The following KCTD1 variants were observed in gnomAD, a reference collection of about 807,000 sequenced individuals.
KCTD1 encodes BTB/POZ domain-containing protein KCTD1.
In KCTD1, 24 loss-of-function variants were observed where a neutral mutation model predicts 66.0. The ratio of observed to expected loss-of-function variants is 0.36; its 90% CI spans 0.26 to 0.51. The LOEUF is 0.51. Among genes scored for constraint, KCTD1 ranks in the 20% least tolerant of loss-of-function variants. The probability of loss-of-function intolerance (pLI) is 0.95; values close to 1 mark genes in which losing one functional copy is unlikely to be tolerated. For synonymous variants in KCTD1, 511 were observed against 517.2 expected (o/e 0.99, Z 0.16); for missense variants, 943 against 1,205.2 (o/e 0.78, Z 3.22).
chr18:26,478,459 G>A lies in KCTD1; in HGVS notation c.1989-1800C>T, dbSNP rs374085368. Among the ~76,000 whole-genome samples, 5 of 152,332 alleles carry A rather than the reference G, an allele frequency of 3.3e-5. No individual in the cohort carries two copies. In the South Asian group the frequency reaches 6.2e-4, roughly 19 times the overall value. ...TTTATTTCTGCCATATATTTGTGGA[G>A]TGAGAATTTTACAATGAAATCCAAG... On this transcript the variant is annotated intron_variant, in intron 2 of 4. Coordinates refer to ENST00000580059, the MANE Select transcript of KCTD1 (RefSeq NM_001142730.3).
In KCTD1 at chr18:26,467,361, G is replaced by A. The variant is rs562028752; in HGVS notation, c.2134-7436C>T. ...CAGTGAGACCGTCTCTACAAAAAATGAAAAACTAGCTGAGTGTGGTGGTGC... is the reference window on the plus strand; with the variant it reads ...CAGTGAGACCGTCTCTACAAAAAATAAAAAACTAGCTGAGTGTGGTGGTGC... On this transcript the variant is annotated intron_variant, in intron 3 of 4. Transcript: ENST00000580059. Among the ~76,000 whole-genome samples, 3 of 152,124 alleles carry A rather than the reference G, an allele frequency of 2.0e-5. No homozygotes were observed. The South Asian group carries it at 6.2e-4, about 32-fold the overall frequency.
chr18:26,459,402 T>G (rs963317786), intron 4 of KCTD1: 7 of 526,598 alleles, frequency 1.3e-5, no homozygotes, highest in African/African-American at 1.3e-4. Flanking sequence ...GTGTTCTATA[T>G]CTGTCTCTTC....
chr18:26,558,837 C>T (rs1018161759), intron 1 of KCTD1, among the ~76,000 whole-genome samples: 2 of 151,842 alleles, frequency 1.3e-5, no homozygotes, highest in Admixed American at 6.6e-5. Context: ...GCAGGAGGAT[C>T]GTTTGAATCT....
intron 1 of KCTD1, among the ~76,000 whole-genome samples, chr18:26,639,163 G>A (rs967973304): frequency 1.2e-4 from 19 of 152,220 alleles, no homozygotes; most frequent in Admixed American, 1.2e-3. Context: ...TTCCTAGTGT[G>A]AACAGGGGTC....
At chr18:26,539,993 A>G (rs978674928) in intron 1 of KCTD1, among the ~76,000 whole-genome samples, 2 of 152,148 alleles carry the variant, frequency 1.3e-5, no homozygotes, top group African/African-American at 4.8e-5. Context: ...AAAAATATAG[A>G]TAGTGTACTT....
rs1212047598 is a variant in KCTD1 at position 26,546,912 on chromosome 18, C to G, written c.1625G>C (p.Gly542Ala). 1 of 1,482,250 alleles carries G rather than the reference C, an allele frequency of 6.7e-7. No homozygotes were observed. Among genetic ancestry groups the G allele is most frequent in the African/African-American group, 1.4e-5 (1 of 70,780 alleles). 91.8% of individuals were successfully genotyped at this position (1,482,250 alleles called of 1,614,324 possible). A position where few individuals can be genotyped will look rare whatever the true frequency, so the allele number is the denominator to read the frequency against. Residue 542 changes from glycine (G) to alanine (A), a missense_variant, in exon 1 of 5, where the codon GGG becomes GCG. By Grantham distance (60) the Gly-to-Ala change is moderately conservative (BLOSUM62 0). Coordinates refer to ENST00000580059, the MANE Select transcript of KCTD1 (RefSeq NM_001142730.3). Reference sequence around the variant, plus strand: ...AGTGGGGCCGCAGATTTCCCCCGACCCGAACACAGACTCGTACAGGGCGCG... The same window carrying G: ...AGTGGGGCCGCAGATTTCCCCCGACGCGAACACAGACTCGTACAGGGCGCG... ...PKRALYESVF[G>A]SGEICGPTSP...
chr18:26,654,542 A>G (rs2145085313), intron 1 of KCTD1, among the ~76,000 whole-genome samples: 1 of 152,326 alleles, frequency 6.6e-6, no homozygotes, highest in East Asian at 1.9e-4. Context: ...GCTAGAAGAG[A>G]GACATCTAGT....
intron 1 of KCTD1, among the ~76,000 whole-genome samples, chr18:26,508,913 C>T (rs1470671680): frequency 3.3e-5 from 5 of 152,016 alleles, no homozygotes; most frequent in Non-Finnish European, 7.4e-5. Context: ...ATCATTGGAC[C>T]CTCAATAAAG....
At chr18:26,610,617 TGAAG>T (rs1223751727) in intron 1 of KCTD1, among the ~76,000 whole-genome samples, 43 of 118,586 alleles carry the variant, frequency 3.6e-4, no homozygotes, top group South Asian at 1.5e-3. Flanking sequence ...AAGGAAGGAA[TGAAG>T]GAAGGAAGGA....
At chr18:26,490,693 C>T (rs527460685) in intron 2 of KCTD1, among the ~76,000 whole-genome samples, 1 of 152,230 alleles carries the variant, frequency 6.6e-6, no homozygotes, top group East Asian at 1.9e-4. Context: ...TTGCTCTGTG[C>T]CAGGCACCGA....
intron 1 of KCTD1, among the ~76,000 whole-genome samples, chr18:26,579,651 G>A (rs1986307908): frequency 1.3e-5 from 2 of 152,152 alleles, no homozygotes; most frequent in Admixed American, 6.5e-5. Context: ...AAACACAAAA[G>A]TTATTTCCCA....
intron 2 of KCTD1, among the ~76,000 whole-genome samples, chr18:26,484,180 A>G (rs1981795330): frequency 6.6e-6 from 1 of 152,244 alleles, no homozygotes; most frequent in South Asian, 2.1e-4. Context: ...TCCAGACTCA[A>G]GAAATTTCAT....
At chr18:26,616,148 T>C (rs1987246594) in intron 1 of KCTD1, among the ~76,000 whole-genome samples, 1 of 110,222 alleles carries the variant, frequency 9.1e-6, no homozygotes, top group South Asian at 2.8e-4. Flanking sequence ...TTTCTTTTTT[T>C]TTTTTTTTCT....
chr18:26,584,473 G>A (rs1276565958), intron 1 of KCTD1, among the ~76,000 whole-genome samples: 1 of 152,050 alleles, frequency 6.6e-6, no homozygotes, highest in Non-Finnish European at 1.5e-5. Context: ...ATCTACATAT[G>A]TAATTTGCAT....
At chr18:26,501,275 A>C (rs1567970067) in intron 1 of KCTD1, 25 bp from the exon 2 acceptor site, 2 of 1,600,188 alleles carry the variant, frequency 1.2e-6, no homozygotes, top group Non-Finnish European at 1.7e-6. Context: ...GCAAGTTTAG[A>C]TACTTTTTCT....
chr18:26,606,293 A>G (rs1162102191), intron 1 of KCTD1, among the ~76,000 whole-genome samples: 1 of 152,146 alleles, frequency 6.6e-6, no homozygotes, highest in Non-Finnish European at 1.5e-5. Flanking sequence ...GGAGGGTATG[A>G]TGAGGCATGT....
intron 1 of KCTD1, among the ~76,000 whole-genome samples, chr18:26,602,925 C>A (rs1485950122): frequency 1.3e-5 from 2 of 152,118 alleles, no homozygotes; most frequent in African/African-American, 2.4e-5. Flanking sequence ...CAAAAACAGG[C>A]ACATAGACAA....
At chr18:26,599,597 T>C in intron 1 of KCTD1, 1 of 1,497,212 alleles carries the variant, frequency 6.7e-7, no homozygotes, top group Non-Finnish European at 9.3e-7. Context: ...CATTATTTTG[T>C]CGGGTTTAGT....
intron 1 of KCTD1, among the ~76,000 whole-genome samples, chr18:26,560,968 T>C (rs1985833639): frequency 6.6e-6 from 1 of 152,238 alleles, no homozygotes; most frequent in African/African-American, 2.4e-5. Context: ...CTTGAAGCAT[T>C]GTTTATAATA....
Sources: gnomAD v4.1 joint callset for allele counts (sites outside exome capture counted in the v4.1 genomes callset) on GRCh38, gnomAD v4.1.1 for gene constraint, MANE v1.5 for transcripts, NCBI Gene and HGNC (gene_info 2026-07-23, HGNC 2026-07-21) for gene names.